Variants in SRGAP3 observed in about 807,000 individuals in gnomAD.
The protein encoded by SRGAP3 is SLIT-ROBO Rho GTPase activating protein 3.
Under a neutral mutation model 121.1 loss-of-function variants are expected in SRGAP3, and 39 were observed. The observed-to-expected ratio is 0.32, with a 90% CI of 0.25 to 0.42. SRGAP3 has a LOEUF of 0.42. SRGAP3 is among the 10% of genes least tolerant of loss of function. The pLI, the probability that SRGAP3 is intolerant of heterozygous loss-of-function variation, is 1.00. For synonymous variants in SRGAP3, 601 were observed against 570.0 expected, an observed-to-expected ratio of 1.05 and a Z score of -0.77; for missense variants, 1,213 against 1,470.6, an observed-to-expected ratio of 0.82 and a Z score of 2.86.
intron 14 of SRGAP3, among the ~76,000 whole-genome samples, chr3:9,018,314 G>T: frequency 6.6e-6 from 1 of 152,254 alleles, no homozygotes. Flanking sequence ...TGCAGTAAAC[G>T]TGGGAGTGCA....
intron 3 of SRGAP3, among the ~76,000 whole-genome samples, chr3:9,086,167 C>T (rs2124822271): frequency 6.6e-6 from 1 of 152,330 alleles, no homozygotes; most frequent in African/African-American, 2.4e-5. Flanking sequence ...TCTGCAATAT[C>T]TTATTTCCCT....
intron 1 of SRGAP3, among the ~76,000 whole-genome samples, chr3:9,132,194 C>T (rs1403662329): frequency 6.6e-6 from 1 of 152,146 alleles, no homozygotes; most frequent in Non-Finnish European, 1.5e-5. Flanking sequence ...CACAGTTTCT[C>T]CGATTATTAA....
In SRGAP3 at chr3:9,010,141, G is replaced by C. The variant is rs1024515208; in HGVS notation, c.2227+167C>G. Among the ~76,000 whole-genome samples the C allele has an allele frequency of 3.3e-5, 5 of 152,180 alleles. 1 individual carries two copies. Among genetic ancestry groups the C allele is most frequent in the African/African-American group, 1.2e-4 (5 of 41,434 alleles). On this transcript the variant is annotated intron_variant, in intron 18 of 21. Transcript: ENST00000383836. ...TGTGTCAGGCCCATGCCAGGACTTG[G>C]GGCATGCCATGAAGGTTTTTCGGGG...
intron 2 of SRGAP3, among the ~76,000 whole-genome samples, chr3:9,328,972 G>A (rs564579607): frequency 2.5e-4 from 37 of 148,702 alleles, no homozygotes; most frequent in Admixed American, 2.0e-3. Flanking sequence ...AGCTCCCAAG[G>A]ACATAAAACA....
chr3:9,346,928 G>A (rs944156790), intron 1 of SRGAP3, among the ~76,000 whole-genome samples: 2 of 151,806 alleles, frequency 1.3e-5, no homozygotes, highest in African/African-American at 4.8e-5. Flanking sequence ...GCTAGTTTTT[G>A]TATTTTTAGT....
intron 1 of SRGAP3, among the ~76,000 whole-genome samples, chr3:9,189,563 C>A (rs1308325329): frequency 1.3e-5 from 2 of 152,074 alleles, no homozygotes; most frequent in Non-Finnish European, 2.9e-5. Flanking sequence ...CTCCCATGCA[C>A]CCCATATTCC....
At chr3:9,319,936 A>G (rs1010208212) in intron 3 of SRGAP3, among the ~76,000 whole-genome samples, 2 of 151,964 alleles carry the variant, frequency 1.3e-5, no homozygotes, top group African/African-American at 2.4e-5. Context: ...CACAGGGAAC[A>G]TCTTTTGTTT....
intron 3 of SRGAP3, among the ~76,000 whole-genome samples, chr3:9,257,896 G>A (rs1954169091): frequency 6.6e-6 from 1 of 151,712 alleles, no homozygotes; most frequent in African/African-American, 2.4e-5. Context: ...GTAGAGACGG[G>A]GTTTCACCAT....
Position 9,032,735 on chromosome 3 carries a change from G to A in SRGAP3, c.1454C>T (p.Pro485Leu). ...CGTTRPPCLP[P>L]KPQKMRRPRP... is the part of the protein sequence containing the mutation. ...AGGTCTCCTCATTTTCTGTGGTTTA[G>A]GGGGAAGACAGGGGGGCCTAGGGGA... Residue 485 changes from proline (P) to leucine (L), a missense_variant, in exon 12 of 22, where the codon CCT (proline) becomes CTT (leucine). This residue lies in a region of SRGAP3 where 793 missense variants were observed against 1,032.9 expected (regional missense o/e 0.77). Transcript: ENST00000383836. 1 of 1,613,460 alleles carries A rather than the reference G, an allele frequency of 6.2e-7. No homozygotes were observed.
chr3:9,303,467 T>C (rs561873338), intron 3 of SRGAP3, among the ~76,000 whole-genome samples: 21 of 151,840 alleles, frequency 1.4e-4, no homozygotes, highest in Non-Finnish European at 2.6e-4. Flanking sequence ...ACCTACCCTC[T>C]TAATGGATTT....
chr3:9,330,678 C>G (rs1955591955), intron 1 of SRGAP3: 1 of 152,138 alleles, frequency 6.6e-6, no homozygotes, highest in Non-Finnish European at 1.5e-5. Context: ...AGGCAGCCCC[C>G]AGAATCACAG....
At chr3:9,267,061 A>G (rs1026186915) in intron 3 of SRGAP3, among the ~76,000 whole-genome samples, 6 of 152,172 alleles carry the variant, frequency 3.9e-5, no homozygotes, top group Non-Finnish European at 8.8e-5. Context: ...TGAATAATAT[A>G]TATTTTGCAA....
chr3:9,039,379 G>C (rs750427157), intron 10 of SRGAP3, among the ~76,000 whole-genome samples: 1 of 152,122 alleles, frequency 6.6e-6, no homozygotes, highest in Admixed American at 6.5e-5. Context: ...CTCTCTAAGT[G>C]ACCGCAAGTG....
rs564635698 is a variant in SRGAP3, at chr3:9,060,800, A to G, written c.673-441T>C. Among the ~76,000 whole-genome samples, 94 of 151,946 alleles carry G rather than the reference A, an allele frequency of 6.2e-4. 1 individual carries two copies. In the South Asian group the frequency reaches 0.019, roughly 31 times the overall value. On this transcript the variant is annotated intron_variant, in intron 5 of 21. Coordinates refer to ENST00000383836, the MANE Select transcript of SRGAP3 (RefSeq NM_014850.4). ...ACCCAAGCCCTGCACAGCCACACCT[A>G]TGGAAGACCTCCATCTGCTAGATGA...
intron 3 of SRGAP3, among the ~76,000 whole-genome samples, chr3:9,283,113 T>C (rs112993518): frequency 2.0e-5 from 3 of 151,992 alleles, no homozygotes; most frequent in African/African-American, 7.2e-5. Context: ...GCTAGTTTTT[T>C]CTATTGTTGT....
At chr3:9,242,989 C>T (rs907313900) in intron 1 of SRGAP3, among the ~76,000 whole-genome samples, 3 of 152,160 alleles carry the variant, frequency 2.0e-5, no homozygotes, top group Non-Finnish European at 4.4e-5. Flanking sequence ...CCAGCCTAAA[C>T]TTATTTTAGT....
chr3:9,286,453 G>C (rs866796057), intron 3 of SRGAP3, among the ~76,000 whole-genome samples: 1 of 151,314 alleles, frequency 6.6e-6, no homozygotes, highest in Non-Finnish European at 1.5e-5. Flanking sequence ...TTGAGACCAG[G>C]AGTTCCAGAC....
chr3:8,988,171 G>T (rs1209860432), intron 21 of SRGAP3, among the ~76,000 whole-genome samples: 2 of 152,206 alleles, frequency 1.3e-5, no homozygotes, highest in Admixed American at 1.3e-4. Flanking sequence ...GGGAGACAGA[G>T]TGGGGACCGT....
At chr3:9,147,640 A>G (rs924372310) in intron 1 of SRGAP3, among the ~76,000 whole-genome samples, 2 of 152,190 alleles carry the variant, frequency 1.3e-5, no homozygotes, top group Non-Finnish European at 1.5e-5. Flanking sequence ...GATTCCAGGC[A>G]GAATGATTCA....
Sources: allele counts gnomAD v4.1 joint callset (sites outside exome capture counted in the v4.1 genomes callset), GRCh38; gene constraint gnomAD v4.1.1; regional missense constraint gnomAD v4.1.1; transcripts MANE v1.5; gene names NCBI Gene and HGNC (gene_info 2026-07-23, HGNC 2026-07-21).